MAMDC2: variants seen among roughly 807,000 people sequenced by gnomAD.
MAMDC2 encodes MAM domain containing 2.
MAMDC2 carries 57 observed loss-of-function variants against 89.8 expected under a neutral mutation model. The ratio of observed to expected loss-of-function variants is 0.63; its 90% CI spans 0.51 to 0.79. The LOEUF (loss-of-function observed/expected upper bound fraction) is 0.79. MAMDC2 is among the 30% of genes least tolerant of loss of function. MAMDC2 has a pLI of 0.00. For missense variants in MAMDC2, 800 were observed against 820.6 expected, an observed-to-expected ratio of 0.97 and a Z score of 0.31; for synonymous variants, 313 against 293.4, an observed-to-expected ratio of 1.07 and a Z score of -0.68.
intron 9 of MAMDC2, among the ~76,000 whole-genome samples, chr9:70,150,139 A>G (rs2031539289): frequency 6.6e-6 from 1 of 152,202 alleles, no homozygotes; most frequent in African/African-American, 2.4e-5. Flanking sequence ...AGAGATCAAG[A>G]GTTTTCCAGA....
intron 12 of MAMDC2, among the ~76,000 whole-genome samples, chr9:70,220,802 A>C (rs1299310389): frequency 6.6e-6 from 1 of 152,212 alleles, no homozygotes; most frequent in East Asian, 1.9e-4. Context: ...TTTTGGAGAT[A>C]CCTTTTACAC....
intron 2 of MAMDC2, among the ~76,000 whole-genome samples, chr9:70,096,494 C>T (rs900970707): frequency 6.6e-6 from 1 of 152,164 alleles, no homozygotes; most frequent in Non-Finnish European, 1.5e-5. Flanking sequence ...AGTCAGCCCC[C>T]CCTTTGAGGA....
At chr9:70,055,533 T>C (rs928153881) in intron 2 of MAMDC2, among the ~76,000 whole-genome samples, 2 of 152,158 alleles carry the variant, frequency 1.3e-5, no homozygotes, top group Non-Finnish European at 2.9e-5. Context: ...TGTACGCTTC[T>C]CTGCAGAAGG....
chr9:70,047,810 G>C (rs1208299235), intron 2 of MAMDC2, among the ~76,000 whole-genome samples: 1 of 152,206 alleles, frequency 6.6e-6, no homozygotes, highest in African/African-American at 2.4e-5. Context: ...TCTGGAGGTA[G>C]TTGGAAAAGT....
intron 2 of MAMDC2, among the ~76,000 whole-genome samples, chr9:70,069,353 C>T (rs1827346059): frequency 6.6e-6 from 1 of 152,160 alleles, no homozygotes; most frequent in Non-Finnish European, 1.5e-5. Flanking sequence ...AAGTGTTTCT[C>T]AAATTATAGC....
At chr9:70,078,872 T>A (rs1167263517) in intron 2 of MAMDC2, among the ~76,000 whole-genome samples, 1 of 152,114 alleles carries the variant, frequency 6.6e-6, no homozygotes, top group South Asian at 2.1e-4. Flanking sequence ...AAAATCCTCA[T>A]CCCCAGGCCT....
chr9:70,087,413 G>C (rs1488207141), intron 2 of MAMDC2: 38 of 152,058 alleles, frequency 2.5e-4, no homozygotes. Context: ...TCATTTTCAT[G>C]GACCTTCTTC....
At chr9:70,168,625 C>G in intron 9 of MAMDC2, 77 bp from the exon 10 acceptor site, 1 of 1,166,980 alleles carries the variant, frequency 8.6e-7, no homozygotes, top group South Asian at 1.3e-5. Context: ...GCCTGCTGTG[C>G]TAAGTGAATC....
chr9:70,142,450 A>G (rs140216656), intron 8 of MAMDC2, among the ~76,000 whole-genome samples: 286 of 152,328 alleles, frequency 1.9e-3, no homozygotes, highest in African/African-American at 6.6e-3. Flanking sequence ...TTAAGCAGAA[A>G]AAACACAGAT....
At chr9:70,147,415 C>T (rs2031440918) in intron 9 of MAMDC2, among the ~76,000 whole-genome samples, 1 of 150,172 alleles carries the variant, frequency 6.7e-6, no homozygotes, top group African/African-American at 2.5e-5. Flanking sequence ...TTGGCTGACT[C>T]CCTACTATGA....
In MAMDC2 at chr9:70,126,369, C is replaced by T; in HGVS notation, c.854C>T (p.Ala285Val). The change falls in exon 6 of 14, where the codon GCC becomes GTC. Residue 285 changes from alanine to valine, a missense_variant. Ala to Val is a moderately conservative substitution (Grantham distance 64). Coordinates refer to ENST00000377182, the MANE Select transcript of MAMDC2 (RefSeq NM_153267.5). ...AAAGCAGACAGGCCAGGGAATGCTG[C>T]CTGGAACCTTGCGGAGGTCGAGTTC... ...IWKADRPGNA[A>V]WNLAEVEFSA... is the part of the protein sequence containing the mutation. 6.2e-7 allele frequency: 1 copy of T among 1,614,056 alleles called. No individual in the cohort carries two copies. The highest frequency in any genetic ancestry group is 8.5e-7 in the Non-Finnish European group (1 of 1,179,990).
At chr9:70,200,405 A>T (rs557678452) in intron 11 of MAMDC2, among the ~76,000 whole-genome samples, 1 of 147,224 alleles carries the variant, frequency 6.8e-6, no homozygotes, top group Non-Finnish European at 1.5e-5. Flanking sequence ...TGTTCCATTG[A>T]TCTATATCTC....
At chr9:70,097,484 C>T (rs942797488) in intron 2 of MAMDC2, among the ~76,000 whole-genome samples, 1 of 152,170 alleles carries the variant, frequency 6.6e-6, no homozygotes, top group African/African-American at 2.4e-5. Context: ...GTTGGGATAG[C>T]TTGGAAGTTT....
chr9:70,067,554 G>C (rs928201125), intron 2 of MAMDC2, among the ~76,000 whole-genome samples: 2 of 152,180 alleles, frequency 1.3e-5, no homozygotes, highest in African/African-American at 4.8e-5. Flanking sequence ...AAGTTATCAA[G>C]TACAGGACAA....
At chr9:70,115,123 G>T (rs1013324662) in intron 5 of MAMDC2, among the ~76,000 whole-genome samples, 2 of 152,174 alleles carry the variant, frequency 1.3e-5, no homozygotes, top group African/African-American at 4.8e-5. Flanking sequence ...GGCCACACAG[G>T]TGTTTGGGCA....
intron 2 of MAMDC2, among the ~76,000 whole-genome samples, chr9:70,045,043 A>G (rs1020675568): frequency 1.3e-5 from 2 of 152,240 alleles, no homozygotes; most frequent in Admixed American, 6.5e-5. Context: ...GCAGGCCAGC[A>G]ACCTTTCTGG....
In MAMDC2 at chr9:70,168,810, AT is replaced by A; in HGVS notation, c.1498+19del. On this transcript the variant is annotated intron_variant, in intron 10 of 13. Transcript: ENST00000377182. ...CTCATCTTCAGGTAAGACGGCAATC[AT>A]TTTAGCTCTCTGTCTCTCTGACCTA... 6.3e-7 allele frequency: 1 copy of A among 1,590,528 alleles called. No homozygotes were observed. Among genetic ancestry groups the A allele is most frequent in the Non-Finnish European group, 8.6e-7 (1 of 1,159,388 alleles).
At chr9:70,118,031 CAG>C (rs2030087603) in intron 5 of MAMDC2, among the ~76,000 whole-genome samples, 1 of 152,100 alleles carries the variant, frequency 6.6e-6, no homozygotes, top group Non-Finnish European at 1.5e-5. Flanking sequence ...GGAATTTGGC[CAG>C]ATGCATAAGG....
chr9:70,209,632 CT>C (rs1168471743), intron 11 of MAMDC2, among the ~76,000 whole-genome samples: 3 of 152,214 alleles, frequency 2.0e-5, no homozygotes, highest in African/African-American at 7.2e-5. Flanking sequence ...ATCTCTATCT[CT>C]TTCAGTTCCG....
Sources: gnomAD v4.1 joint callset for allele counts (sites outside exome capture counted in the v4.1 genomes callset) on GRCh38, gnomAD v4.1.1 for gene constraint, MANE v1.5 for transcripts, NCBI Gene and HGNC (gene_info 2026-07-23, HGNC 2026-07-21) for gene names.